RBKS: variants seen among roughly 807,000 people sequenced by gnomAD.
RBKS encodes the protein ribokinase.
RBKS carries 33 observed loss-of-function variants against 33.9 expected under a neutral mutation model. The observed-to-expected ratio is 0.97, with a 90% CI of 0.74 to 1.30. RBKS has a LOEUF of 1.30. Among genes scored for constraint, RBKS ranks in the 50% most tolerant of loss-of-function variants. RBKS has a pLI of 0.00. For synonymous variants in RBKS, 125 were observed against 143.0 expected (o/e 0.87, Z 0.90); for missense variants, 361 against 392.6 (o/e 0.92, Z 0.68).
chr2:27,803,128 C>G (rs779430512), intron 7 of RBKS, among the ~76,000 whole-genome samples: 3 of 152,156 alleles, frequency 2.0e-5, no homozygotes, highest in Admixed American at 6.5e-5. Context: ...CTGTACCTGG[C>G]CAAAATCTGA....
At chr2:27,804,661 C>A (rs1316897503) in intron 7 of RBKS, among the ~76,000 whole-genome samples, 3 of 152,160 alleles carry the variant, frequency 2.0e-5, no homozygotes, top group African/African-American at 7.2e-5. Flanking sequence ...ACTGAGGCAA[C>A]AGGTTTAGCT....
intron 7 of RBKS, among the ~76,000 whole-genome samples, chr2:27,788,889 A>C (rs1677456445): frequency 6.6e-6 from 1 of 152,214 alleles, no homozygotes. Context: ...CAAGGACTGG[A>C]AAACTCAATA....
intron 1 of RBKS, chr2:27,889,874 G>A (rs560410179): frequency 5.0e-6 from 1 of 199,098 alleles, no homozygotes; most frequent in Admixed American, 6.0e-5. Flanking sequence ...CAACAACCCT[G>A]TGAGGTAGGC....
chr2:27,799,306 T>C (rs1203846981), intron 7 of RBKS, among the ~76,000 whole-genome samples: 1 of 152,156 alleles, frequency 6.6e-6, no homozygotes, highest in African/African-American at 2.4e-5. Flanking sequence ...CAGACAATCT[T>C]GCAAGAATGA....
chr2:27,866,266 AG>A (rs1162553073), intron 1 of RBKS, among the ~76,000 whole-genome samples: 34 of 152,328 alleles, frequency 2.2e-4, no homozygotes, highest in Admixed American at 7.2e-4. Flanking sequence ...TGTTTCTGAC[AG>A]GAAGTCTGCA....
intron 2 of RBKS, among the ~76,000 whole-genome samples, chr2:27,855,836 A>G (rs1663847554): frequency 6.6e-6 from 1 of 152,222 alleles, no homozygotes. Context: ...ATCTTACTTC[A>G]TAAGAGTTTG....
chr2:27,816,523 G>C (rs1328268251), intron 7 of RBKS, among the ~76,000 whole-genome samples: 1 of 152,208 alleles, frequency 6.6e-6, no homozygotes, highest in African/African-American at 2.4e-5. Flanking sequence ...GCTGATTTCA[G>C]AGATGTTGTG....
chr2:27,873,455 T>G (rs1664255327), intron 1 of RBKS, among the ~76,000 whole-genome samples: 2 of 152,212 alleles, frequency 1.3e-5, no homozygotes, highest in South Asian at 4.1e-4. Flanking sequence ...CTTTATGGTC[T>G]TGACAGAATA....
chr2:27,824,587 C>A (rs1041469158), intron 7 of RBKS, among the ~76,000 whole-genome samples: 4 of 152,220 alleles, frequency 2.6e-5, no homozygotes, highest in South Asian at 4.1e-4. Context: ...AATATTCCAT[C>A]GTATGGATAT....
intron 5 of RBKS, among the ~76,000 whole-genome samples, chr2:27,841,772 CT>C (rs879598263): frequency 6.5e-5 from 7 of 108,410 alleles, no homozygotes; most frequent in Admixed American, 3.0e-4. Context: ...TGTTCTTTTT[CT>C]TTTTTCTTTT....
chr2:27,871,330 T>C (rs867901998), intron 1 of RBKS, among the ~76,000 whole-genome samples: 5 of 152,346 alleles, frequency 3.3e-5, no homozygotes, highest in African/African-American at 7.2e-5. Flanking sequence ...TTGGTCTCCA[T>C]GTAGCAAAGC....
intron 3 of RBKS, among the ~76,000 whole-genome samples, chr2:27,847,693 G>T (rs796146561): frequency 3.3e-5 from 5 of 152,338 alleles, no homozygotes; most frequent in African/African-American, 1.2e-4. Context: ...TTTCTCTTCT[G>T]TGAAATAATG....
At chr2:27,877,981 G>A (rs1219381215) in intron 1 of RBKS, among the ~76,000 whole-genome samples, 1 of 151,396 alleles carries the variant, frequency 6.6e-6, no homozygotes, top group South Asian at 2.1e-4. Context: ...TATAAATCTG[G>A]CTGTCATTCT....
intron 2 of RBKS, among the ~76,000 whole-genome samples, chr2:27,854,614 C>G (rs1215771497): frequency 1.3e-5 from 2 of 152,164 alleles, no homozygotes; most frequent in African/African-American, 4.8e-5. Context: ...CCAAAAAGTT[C>G]TGAATAACCT....
chr2:27,884,492 C>T (rs1473557652), intron 1 of RBKS, among the ~76,000 whole-genome samples: 3 of 152,024 alleles, frequency 2.0e-5, no homozygotes, highest in Non-Finnish European at 4.4e-5. Flanking sequence ...GCGATCCACC[C>T]GCTTGGCTTC....
At chr2:27,844,027 G>A (rs922031236) in intron 4 of RBKS, among the ~76,000 whole-genome samples, 8 of 152,040 alleles carry the variant, frequency 5.3e-5, no homozygotes, top group Non-Finnish European at 7.4e-5. Flanking sequence ...TTGGGAGGCC[G>A]AGGTGGGCAG....
chr2:27,827,781 A>G, intron 6 of RBKS, 26 bp from the exon 7 acceptor site: 1 of 1,528,634 alleles, frequency 6.5e-7, no homozygotes, highest in Non-Finnish European at 8.8e-7. Flanking sequence ...GTCAACAGAA[A>G]CAGTGGTGAA....
At chr2:27,855,052 G>GCC (rs530224589) in intron 2 of RBKS, among the ~76,000 whole-genome samples, 1 of 113,190 alleles carries the variant, frequency 8.8e-6, no homozygotes, top group South Asian at 2.9e-4. Flanking sequence ...ACTACCCCCC[G>GCC]CCCCCCCACC....
intron 7 of RBKS, among the ~76,000 whole-genome samples, chr2:27,812,809 A>C (rs1678011242): frequency 6.6e-6 from 1 of 152,166 alleles, no homozygotes. Flanking sequence ...ATACATACGT[A>C]ACAAACCTGC....
Sources: gnomAD v4.1 joint callset for allele counts (sites outside exome capture counted in the v4.1 genomes callset) on GRCh38, gnomAD v4.1.1 for gene constraint, MANE v1.5 for transcripts, NCBI Gene and HGNC (gene_info 2026-07-23, HGNC 2026-07-21) for gene names.